The following ZNF567 variants were observed in gnomAD, a reference collection of about 807,000 sequenced individuals.
ZNF567 encodes zinc finger protein 567.
ZNF567 carries 36 observed loss-of-function variants against 53.9 expected under a neutral mutation model. That is an observed-to-expected ratio of 0.67 (90% CI 0.51 to 0.88). ZNF567 has a LOEUF of 0.88. Among genes scored for constraint, ZNF567 ranks in the 40% least tolerant of loss-of-function variants. ZNF567 has a pLI of 0.00. For missense variants in ZNF567, 619 were observed against 764.7 expected (o/e 0.81, Z 2.25); for synonymous variants, 224 against 260.4 (o/e 0.86, Z 1.35).
intron 3 of ZNF567, among the ~76,000 whole-genome samples, chr19:36,700,566 G>A (rs1434937275): frequency 6.6e-6 from 1 of 151,332 alleles, no homozygotes; most frequent in African/African-American, 2.4e-5. Flanking sequence ...ACTCTTTTTG[G>A]TTGGTAAGCT....
intron 1 of ZNF567, among the ~76,000 whole-genome samples, chr19:36,688,169 G>A (rs1302505278): frequency 6.6e-6 from 1 of 152,148 alleles, no homozygotes; most frequent in Non-Finnish European, 1.5e-5. Flanking sequence ...GTGAGTGAAA[G>A]GTTGTTACTT....
At chr19:36,702,062 T>C (rs2039222864) in intron 3 of ZNF567, among the ~76,000 whole-genome samples, 1 of 152,164 alleles carries the variant, frequency 6.6e-6, no homozygotes, top group African/African-American at 2.4e-5. Context: ...CGGCTGGTAC[T>C]GGTTGTTCCT....
upstream of ZNF567, chr19:36,687,338 C>T (rs2145488405): frequency 6.5e-6 from 1 of 152,856 alleles, no homozygotes; most frequent in East Asian, 1.9e-4. Flanking sequence ...CAGGTGCATA[C>T]ACAGGCCCGA....
chr19:36,715,505 TAATA>T (rs2040013563), intron 5 of ZNF567, among the ~76,000 whole-genome samples: 80 of 27,690 alleles, frequency 2.9e-3, no homozygotes, highest in Middle Eastern at 0.028. Flanking sequence ...ATAATAATAA[TAATA>T]ATTATTATTA....
At chr19:36,689,183 A>C (rs1254376582) in intron 1 of ZNF567, among the ~76,000 whole-genome samples, 1 of 151,836 alleles carries the variant, frequency 6.6e-6, no homozygotes, top group Admixed American at 6.6e-5. Flanking sequence ...CACTGGGACC[A>C]CACAGAAAAA....
chr19:36,692,908 T>TGCA (rs1458641010), intron 2 of ZNF567, among the ~76,000 whole-genome samples: 1 of 152,192 alleles, frequency 6.6e-6, no homozygotes, highest in African/African-American at 2.4e-5. Context: ...TTTCCTACTC[T>TGCA]GGGCCCTTTT....
At position 36,697,996 on chromosome 19, in the gene ZNF567, C is replaced by T. The variant is rs1177097173; in HGVS notation, c.9+3120C>T. On this transcript the variant is annotated intron_variant, in intron 3 of 5. Coordinates refer to ENST00000682579, the MANE Select transcript of ZNF567 (RefSeq NM_001322917.1). ...TGTGCAGGTTAGTTACATATGTATA[C>T]ATGTGCCATGCTGGTGTGCTGCACC... 2.7e-5 allele frequency among the ~76,000 whole-genome samples: 4 copies of T among 148,674 alleles called. No homozygotes were observed. The East Asian group carries it at 6.0e-4, about 22-fold the overall frequency.
At chr19:36,677,593 C>G in the ZNF567 span, among the ~76,000 whole-genome samples, 2 of 151,534 alleles carry the variant, frequency 1.3e-5, no homozygotes, top group African/African-American at 4.9e-5. Context: ...ATGTCGAAAC[C>G]CCATCTCTAC....
chr19:36,715,502 TA>T (rs1568711402), intron 5 of ZNF567, among the ~76,000 whole-genome samples: 36 of 25,868 alleles, frequency 1.4e-3, no homozygotes, highest in South Asian at 7.0e-3. Flanking sequence ...ATAATAATAA[TA>T]ATAATAATTA....
intron 3 of ZNF567, chr19:36,711,112 C>T (rs2039762353): frequency 6.6e-6 from 1 of 152,300 alleles, no homozygotes; most frequent in South Asian, 2.1e-4. Flanking sequence ...CTCTCTGTCA[C>T]CCAGACTGGA....
At chr19:36,711,920 A>G (rs1048552687) in intron 3 of ZNF567, 1 of 152,366 alleles carries the variant, frequency 6.6e-6, no homozygotes, top group Non-Finnish European at 1.5e-5. Context: ...TTTTACCTTG[A>G]TTTTTGTTTT....
At chr19:36,677,058 G>A in the ZNF567 span, among the ~76,000 whole-genome samples, 1 of 151,414 alleles carries the variant, frequency 6.6e-6, no homozygotes, top group African/African-American at 2.4e-5. Context: ...GGGAGGCTGA[G>A]GCAGGAGAAT....
intron 3 of ZNF567, among the ~76,000 whole-genome samples, chr19:36,709,061 A>G (rs2039642037): frequency 6.6e-6 from 1 of 152,192 alleles, no homozygotes; most frequent in African/African-American, 2.4e-5. Flanking sequence ...TGCCATGTAT[A>G]TGATATTTAT....
At chr19:36,723,355 A>G, downstream of ZNF567, 1 of 671,876 alleles carries the variant, frequency 1.5e-6, no homozygotes, top group African/African-American at 1.8e-5. Context: ...GCATCACTGC[A>G]TGTGCTGCCC....
intron 5 of ZNF567, among the ~76,000 whole-genome samples, chr19:36,718,074 A>G (rs902086413): frequency 6.6e-6 from 1 of 152,228 alleles, no homozygotes; most frequent in Non-Finnish European, 1.5e-5. Context: ...GTAGAGGATT[A>G]GAGCATAGAC....
chr19:36,674,005 A>G, the ZNF567 span, among the ~76,000 whole-genome samples: 1 of 152,232 alleles, frequency 6.6e-6, no homozygotes, highest in African/African-American at 2.4e-5. Flanking sequence ...TCACAAAGCC[A>G]TTCCTGATGA....
intron 1 of ZNF567, among the ~76,000 whole-genome samples, chr19:36,688,221 A>G (rs3108558): frequency 0.3 from 45,392 of 151,994 alleles, 6,850 homozygotes; most frequent in African/African-American, 0.33. Context: ...GTGGGGGCCT[A>G]TGGGATTATG....
At chr19:36,704,231 G>C (rs2039372426) in intron 3 of ZNF567, among the ~76,000 whole-genome samples, 2 of 152,126 alleles carry the variant, frequency 1.3e-5, no homozygotes, top group Admixed American at 1.3e-4. Context: ...CTTGAGCCAG[G>C]AGTTCAAGAC....
At chr19:36,714,132 A>T (rs759738981) in intron 5 of ZNF567, among the ~76,000 whole-genome samples, 1 of 151,926 alleles carries the variant, frequency 6.6e-6, no homozygotes, top group Non-Finnish European at 1.5e-5. Flanking sequence ...TTGTCAGGAA[A>T]GGTTTATTTA....
Sources: gnomAD v4.1 joint callset for allele counts (sites outside exome capture counted in the v4.1 genomes callset) on GRCh38, gnomAD v4.1.1 for gene constraint, MANE v1.5 for transcripts, NCBI Gene and HGNC (gene_info 2026-07-23, HGNC 2026-07-21) for gene names.